The following PCDHGB3 variants were observed in gnomAD, a reference collection of about 807,000 sequenced individuals.
The protein encoded by PCDHGB3 is protocadherin gamma subfamily B, 3.
In PCDHGB3, 40 loss-of-function variants were observed where a neutral mutation model predicts 59.2. That is an observed-to-expected ratio of 0.68 (90% CI 0.52 to 0.88). The LOEUF (loss-of-function observed/expected upper bound fraction) is 0.88. Among genes scored for constraint, PCDHGB3 ranks in the 40% least tolerant of loss-of-function variants. The probability of loss-of-function intolerance (pLI) is 0.00; values close to 1 mark genes in which losing one functional copy is unlikely to be tolerated. For synonymous variants in PCDHGB3, 581 were observed against 503.6 expected, an observed-to-expected ratio of 1.15 and a Z score of -2.06; for missense variants, 1,309 against 1,187.9, an observed-to-expected ratio of 1.10 and a Z score of -1.50.
chr5:141,478,767 C>T (rs953695562), intron 1 of PCDHGB3: 44 of 1,500,650 alleles, frequency 2.9e-5, no homozygotes, highest in Non-Finnish European at 3.9e-5. Context: ...ATACTTGACT[C>T]ATCTGTGGAC....
At chr5:141,452,554 G>A (rs2098744143) in intron 1 of PCDHGB3, among the ~76,000 whole-genome samples, 1 of 152,140 alleles carries the variant, frequency 6.6e-6, no homozygotes, top group Admixed American at 6.5e-5. Context: ...TCCAGTTCTG[G>A]TTCTTCCTAG....
chr5:141,432,864 G>A lies in PCDHGB3; in HGVS notation c.2415+60055G>A. On this transcript the variant is annotated intron_variant, in intron 1 of 3. Coordinates refer to ENST00000576222, the MANE Select transcript of PCDHGB3 (RefSeq NM_018924.5). The surrounding 1 kb of genome is among the most constrained non-coding windows in gnomAD (Gnocchi z 6.0). ...GTGGTAGCGGTGGCCGCGGTCTCCT[G>A]CGTCTTCCTGGCCTTCGTCATCTTG... 6.2e-7 allele frequency: 1 copy of A among 1,614,168 alleles called. No individual in the cohort carries two copies. Among genetic ancestry groups the A allele is most frequent in the South Asian group, 1.1e-5 (1 of 91,084 alleles).
intron 1 of PCDHGB3, among the ~76,000 whole-genome samples, chr5:141,448,952 C>A (rs1278778374): frequency 2.6e-5 from 4 of 151,698 alleles, no homozygotes; most frequent in Non-Finnish European, 5.9e-5. Flanking sequence ...CTCAAAAAAA[C>A]AAACAAACAA....
chr5:141,494,316 G>T (rs2099753509), intron 1 of PCDHGB3, among the ~76,000 whole-genome samples: 1 of 152,172 alleles, frequency 6.6e-6, no homozygotes, highest in Admixed American at 6.5e-5. Flanking sequence ...TGCACAACCT[G>T]GCACCAAAAG....
chr5:141,465,923 C>A (rs908350232), intron 1 of PCDHGB3, among the ~76,000 whole-genome samples: 2 of 152,062 alleles, frequency 1.3e-5, no homozygotes, highest in African/African-American at 4.8e-5. Flanking sequence ...GATTTCGAGT[C>A]CATCCTGGCT....
In PCDHGB3 at chr5:141,403,600, T is replaced by C. The variant is rs530169293; in HGVS notation, c.2415+30791T>C. 72 of 1,613,786 alleles carry C rather than the reference T, an allele frequency of 4.5e-5. 1 individual carries two copies. The East Asian group carries it at 1.6e-3, about 35-fold the overall frequency. On this transcript the variant is annotated intron_variant, in intron 1 of 3. Coordinates refer to ENST00000576222, the MANE Select transcript of PCDHGB3 (RefSeq NM_018924.5). ...ACCACCTGGTCCTCACGGCCTCGGATGGCGGCGAGCCGCGTCGCTCCAGCA... is the reference window on the plus strand; with the variant it reads ...ACCACCTGGTCCTCACGGCCTCGGACGGCGGCGAGCCGCGTCGCTCCAGCA...
chr5:141,409,591 G>A (rs72790040), intron 1 of PCDHGB3: 42,493 of 1,613,766 alleles, frequency 0.026, 744 homozygotes, highest in East Asian at 0.041. Context: ...ACGTGGCCGA[G>A]AACAACCCGC....
chr5:141,453,870 C>A (rs932804656), intron 1 of PCDHGB3, among the ~76,000 whole-genome samples: 2 of 152,146 alleles, frequency 1.3e-5, no homozygotes, highest in African/African-American at 4.8e-5. Context: ...AACAGATGAG[C>A]AAAATAATGT....
intron 1 of PCDHGB3, chr5:141,411,968 T>C (rs1257112227): frequency 6.6e-6 from 1 of 152,260 alleles, no homozygotes; most frequent in Non-Finnish European, 1.5e-5. Flanking sequence ...GATAAAATCT[T>C]TGAAGAGTTC....
chr5:141,431,697 G>T lies in PCDHGB3; in HGVS notation c.2415+58888G>T, dbSNP rs1303639699. 6.2e-7 allele frequency: 1 copy of T among 1,614,206 alleles called. No homozygotes were observed. Among genetic ancestry groups the T allele is most frequent in the Admixed American group, 1.7e-5 (1 of 60,024 alleles). ...GGGGAGTTGGACCACGAGGAGTCAG[G>T]ATTCTACCAGATGGAAGTGCAAGCA... On this transcript the variant is annotated intron_variant, in intron 1 of 3. Transcript: ENST00000576222. This position sits in a 1 kb window ranked among gnomAD's most constrained non-coding sequence, Gnocchi z 4.8.
chr5:141,388,775 G>A (rs1187741321), intron 1 of PCDHGB3: 1 of 1,613,726 alleles, frequency 6.2e-7, no homozygotes, highest in Non-Finnish European at 8.5e-7. Context: ...CTAACACCGG[G>A]GAAATTACTG....
chr5:141,419,698 G>A, intron 1 of PCDHGB3: 1 of 1,612,978 alleles, frequency 6.2e-7, no homozygotes, highest in Non-Finnish European at 8.5e-7. Context: ...AGGCCAGTGA[G>A]CCCGGGCTCT....
intron 1 of PCDHGB3, chr5:141,398,947 A>G: frequency 1.2e-6 from 2 of 1,613,968 alleles, no homozygotes; most frequent in Admixed American, 1.7e-5. Context: ...CGAGGGCATC[A>G]ACTCAGAAAT....
chr5:141,489,983 G>T lies in PCDHGB3; in HGVS notation c.2416-4824G>T. ...CCAACCTTCCAATCCTCAGTTCTACGTGTGGGAATCCCAGAGAATGCACCC... is the reference window on the plus strand; with the variant it reads ...CCAACCTTCCAATCCTCAGTTCTACTTGTGGGAATCCCAGAGAATGCACCC... On this transcript the variant is annotated intron_variant, in intron 1 of 3. Coordinates refer to ENST00000576222, the MANE Select transcript of PCDHGB3 (RefSeq NM_018924.5). The surrounding 1 kb of genome is among the most constrained non-coding windows in gnomAD (Gnocchi z 4.5). The T allele has an allele frequency of 6.2e-7, 1 of 1,614,172 alleles. No homozygotes were observed. Among genetic ancestry groups the T allele is most frequent in the Non-Finnish European group, 8.5e-7 (1 of 1,179,996 alleles).
In PCDHGB3 at chr5:141,404,546, G is replaced by A. The variant is rs753308273; in HGVS notation, c.2415+31737G>A. 11 of 1,613,800 alleles carry A rather than the reference G, an allele frequency of 6.8e-6. No individual in the cohort carries two copies. In the East Asian group the frequency reaches 2.2e-4, roughly 33 times the overall value. ...GCAGTTTAGAGATTTGCAAATGCAGGTGACGGCAAGTGACAGTGGAAGCCC... is the reference window on the plus strand; with the variant it reads ...GCAGTTTAGAGATTTGCAAATGCAGATGACGGCAAGTGACAGTGGAAGCCC... On this transcript the variant is annotated intron_variant, in intron 1 of 3. Transcript: ENST00000576222.
In PCDHGB3 at chr5:141,395,543, TG is replaced by T. The variant is rs1247307480; in HGVS notation, c.2415+22735del. 6.3e-3 allele frequency: 52 copies of T among 8,206 alleles called. 1 individual carries two copies. The highest frequency in any genetic ancestry group is 0.048 in the African/African-American group (46 of 952). 0.5% of individuals were successfully genotyped at this position (8,206 alleles called of 1,614,324 possible). On this transcript the variant is annotated intron_variant, in intron 1 of 3. Coordinates refer to ENST00000576222, the MANE Select transcript of PCDHGB3 (RefSeq NM_018924.5). ...CCATACTGGTAATTTTGCTATTGTT[TG>T]TGTGTGTGTGTGTGTGTGTGTGTGT...
chr5:141,400,080 C>T (rs375308173), intron 1 of PCDHGB3: 219 of 1,614,010 alleles, frequency 1.4e-4, no homozygotes, highest in East Asian at 2.9e-4. Flanking sequence ...CGCCACTCTC[C>T]GCCACCGCCA....
intron 1 of PCDHGB3, chr5:141,409,037 T>A: frequency 3.7e-6 from 6 of 1,613,992 alleles, no homozygotes; most frequent in Non-Finnish European, 5.1e-6. Context: ...TGAGATAAAC[T>A]ACTACTTCCG....
chr5:141,478,678 C>T (rs3805695), intron 1 of PCDHGB3: 273,671 of 1,551,084 alleles, frequency 0.18, 26,385 homozygotes, highest in African/African-American at 0.39. Context: ...TTCAACTGGC[C>T]CTTCCTAGAT....
Sources: gnomAD v4.1 joint callset for allele counts (sites outside exome capture counted in the v4.1 genomes callset) on GRCh38, gnomAD v4.1.1 for gene constraint, Gnocchi (gnomAD v3.1) non-coding constraint, MANE v1.5 for transcripts, NCBI Gene and HGNC (gene_info 2026-07-23, HGNC 2026-07-21) for gene names.